The following SHC3 variants were observed in gnomAD, a reference collection of about 807,000 sequenced individuals.
The protein encoded by SHC3 is SHC-transforming protein 3.
Under a neutral mutation model 60.4 loss-of-function variants are expected in SHC3, and 15 were observed. The observed-to-expected ratio is 0.25, with a 90% CI of 0.17 to 0.38. The LOEUF (loss-of-function observed/expected upper bound fraction) is 0.38, where lower values mean the gene tolerates loss of function less well. Among genes scored for constraint, SHC3 ranks in the 10% least tolerant of loss-of-function variants. The pLI is 1.00. For synonymous variants in SHC3, 294 were observed against 325.9 expected (o/e 0.90, Z 1.05); for missense variants, 677 against 786.1 (o/e 0.86, Z 1.66).
intron 1 of SHC3, among the ~76,000 whole-genome samples, chr9:89,124,762 G>A (rs529836626): frequency 4.5e-4 from 68 of 151,918 alleles, no homozygotes; most frequent in Non-Finnish European, 5.6e-4. Flanking sequence ...TAGATGACAG[G>A]TAGATAGGTG....
chr9:89,142,063 G>A (rs540263935), intron 1 of SHC3, among the ~76,000 whole-genome samples: 16 of 152,040 alleles, frequency 1.1e-4, no homozygotes, highest in Middle Eastern at 3.4e-3. Context: ...TAATTCTGTC[G>A]CCCACAGCCA....
Position 89,008,794 on chromosome 9 carries a change from G to A in SHC3, c.*4653C>T, listed in dbSNP as rs2150611. On this transcript the variant is annotated 3_prime_UTR_variant, in exon 12 of 12. Coordinates refer to ENST00000375835, the MANE Select transcript of SHC3 (RefSeq NM_016848.6). ...TCAGCTCTGTCTCTCGGGGTTCCCC[G>A]GTGGGATTCAGCTCCAGTTGTGCAC... is the stretch of plus-strand genomic sequence containing the variant. The A allele has an allele frequency of 0.59, 89,343 of 152,022 alleles. 27,754 individuals carry two copies. Among genetic ancestry groups the A allele is most frequent in the African/African-American group, 0.79 (32,559 of 41,472 alleles). The allele number at this position is 152,022 out of a possible 1,614,324, so 9.4% of individuals were successfully genotyped here.
chr9:89,026,160 A>C (rs917135030), intron 11 of SHC3, among the ~76,000 whole-genome samples: 2 of 150,964 alleles, frequency 1.3e-5, no homozygotes, highest in Non-Finnish European at 2.9e-5. Flanking sequence ...AGGCTGAGGC[A>C]GAAGAATGGC....
At chr9:89,056,769 A>G (rs978151614) in intron 6 of SHC3, among the ~76,000 whole-genome samples, 1 of 152,256 alleles carries the variant, frequency 6.6e-6, no homozygotes, top group African/African-American at 2.4e-5. Flanking sequence ...TAGAACTGTG[A>G]GCCAATGCTC....
At chr9:89,151,763 C>T (rs1826548821) in intron 1 of SHC3, among the ~76,000 whole-genome samples, 1 of 152,158 alleles carries the variant, frequency 6.6e-6, no homozygotes, top group East Asian at 1.9e-4. Context: ...CCTGATCTCA[C>T]ATTTGCATAA....
intron 1 of SHC3, among the ~76,000 whole-genome samples, chr9:89,127,173 A>T (rs1826176572): frequency 6.6e-6 from 1 of 152,160 alleles, no homozygotes; most frequent in Admixed American, 6.6e-5. Flanking sequence ...TTAAGAAATG[A>T]GTCCTTTCTG....
At position 89,044,052 on chromosome 9, in the gene SHC3, CT is replaced by C. The variant is rs1269312211; in HGVS notation, c.1201+1693del. On this transcript the variant is annotated intron_variant, in intron 9 of 11. Transcript: ENST00000375835. ...TTCTGCGACATCATCTGTTCTCGAT[CT>C]GGCTGGAATAACTTGAATATATCAA... is the stretch of plus-strand genomic sequence containing the variant. Among the ~76,000 whole-genome samples the C allele has an allele frequency of 3.3e-5, 5 of 152,198 alleles. No homozygotes were observed. In the South Asian group the frequency reaches 1.0e-3, roughly 31 times the overall value.
At chr9:89,032,819 T>C (rs999212660) in intron 11 of SHC3, among the ~76,000 whole-genome samples, 1 of 152,200 alleles carries the variant, frequency 6.6e-6, no homozygotes, top group Non-Finnish European at 1.5e-5. Flanking sequence ...TCCCCCTTTA[T>C]AGTCAGGGAC....
intron 1 of SHC3, among the ~76,000 whole-genome samples, chr9:89,123,058 T>G (rs1325542211): frequency 2.0e-5 from 3 of 152,102 alleles, no homozygotes; most frequent in Non-Finnish European, 4.4e-5. Flanking sequence ...ATCTGCCAGG[T>G]GGGTGGTGTT....
chr9:89,067,746 T>C (rs1489765760), intron 5 of SHC3, among the ~76,000 whole-genome samples: 1 of 152,186 alleles, frequency 6.6e-6, no homozygotes, highest in African/African-American at 2.4e-5. Context: ...GATGGAGATT[T>C]AGTTTCAGCG....
intron 2 of SHC3, among the ~76,000 whole-genome samples, chr9:89,085,589 T>C (rs1051598197): frequency 1.3e-5 from 2 of 152,240 alleles, no homozygotes; most frequent in African/African-American, 4.8e-5. Context: ...ATTCCGAATG[T>C]AGCCCTGATG....
chr9:89,103,653 G>A (rs1241458284), intron 2 of SHC3, among the ~76,000 whole-genome samples: 1 of 152,196 alleles, frequency 6.6e-6, no homozygotes, highest in Admixed American at 6.5e-5. Flanking sequence ...GAGAATATCA[G>A]TATTTGTCAA....
At chr9:89,100,533 T>C (rs920855965) in intron 2 of SHC3, among the ~76,000 whole-genome samples, 3 of 152,082 alleles carry the variant, frequency 2.0e-5, no homozygotes, top group Admixed American at 6.6e-5. Context: ...CTTAGTTCTA[T>C]GAATTTTGAA....
chr9:89,072,452 C>T (rs1825289805), intron 4 of SHC3, among the ~76,000 whole-genome samples: 1 of 152,034 alleles, frequency 6.6e-6, no homozygotes, highest in South Asian at 2.1e-4. Context: ...CATTTTATCC[C>T]ATTAGAAAGC....
At chr9:89,014,949 T>C (rs1161686709) in intron 11 of SHC3, among the ~76,000 whole-genome samples, 1 of 152,184 alleles carries the variant, frequency 6.6e-6, no homozygotes, top group Non-Finnish European at 1.5e-5. Context: ...GTTTTCCCCC[T>C]GCAGGAACCC....
intron 3 of SHC3, among the ~76,000 whole-genome samples, 162 bp downstream of exon 3, chr9:89,077,678 C>T (rs1233602024): frequency 3.9e-5 from 6 of 152,174 alleles, no homozygotes; most frequent in African/African-American, 7.2e-5. Context: ...TCCTCAACCA[C>T]GTGAGAGAGA....
intron 11 of SHC3, among the ~76,000 whole-genome samples, chr9:89,032,657 G>A (rs1824509686): frequency 1.3e-5 from 2 of 152,072 alleles, no homozygotes; most frequent in Admixed American, 1.3e-4. Context: ...TACGAACAGG[G>A]CTCAGAAGAT....
intron 11 of SHC3, among the ~76,000 whole-genome samples, chr9:89,021,228 C>T (rs1006843379): frequency 6.6e-6 from 1 of 152,198 alleles, no homozygotes; most frequent in African/African-American, 2.4e-5. Flanking sequence ...AGGAGCTCTG[C>T]AGCTGGATAG....
chr9:89,105,882 G>A (rs1176474476), intron 2 of SHC3, among the ~76,000 whole-genome samples: 1 of 152,152 alleles, frequency 6.6e-6, no homozygotes, highest in Non-Finnish European at 1.5e-5. Context: ...ACCCTGGAAT[G>A]AATTGGTAGA....
Sources: allele counts gnomAD v4.1 joint callset (sites outside exome capture counted in the v4.1 genomes callset), GRCh38; gene constraint gnomAD v4.1.1; transcripts MANE v1.5; gene names NCBI Gene and HGNC (gene_info 2026-07-23, HGNC 2026-07-21).